The following CSMD3 variants were observed in gnomAD, a reference collection of about 807,000 sequenced individuals.
CSMD3 encodes the protein CUB and Sushi multiple domains 3.
Under a neutral mutation model 435.2 loss-of-function variants are expected in CSMD3, and 177 were observed. The observed-to-expected ratio is 0.41, with a 90% CI of 0.36 to 0.46. The LOEUF (loss-of-function observed/expected upper bound fraction) is 0.46, where lower values mean the gene tolerates loss of function less well. Ranked by LOEUF, CSMD3 falls within the 20% of genes least tolerant of loss-of-function variation. The pLI, the probability that CSMD3 is intolerant of heterozygous loss-of-function variation, is 0.34. For synonymous variants in CSMD3, 1,656 were observed against 1,520.5 expected, an observed-to-expected ratio of 1.09 and a Z score of -2.07; for missense variants, 4,265 against 4,504.6, an observed-to-expected ratio of 0.95 and a Z score of 1.52.
intron 2 of CSMD3, among the ~76,000 whole-genome samples, chr8:113,302,405 T>A (rs1031515199): frequency 4.0e-5 from 6 of 149,242 alleles, no homozygotes; most frequent in African/African-American, 1.5e-4. Context: ...TGACAGAGTA[T>A]GTATTCAGAG....
At chr8:113,376,833 C>G in intron 1 of CSMD3, 1 of 1,613,384 alleles carries the variant, frequency 6.2e-7, no homozygotes, top group Non-Finnish European at 8.5e-7. Context: ...TTATGAGTCG[C>G]AACAACCGGC....
chr8:112,365,473 T>G, intron 38 of CSMD3, among the ~76,000 whole-genome samples: 1 of 87,286 alleles, frequency 1.1e-5, no homozygotes, highest in East Asian at 4.9e-4. Context: ...ATTTCCTTTT[T>G]TTTTTTTTTT....
intron 5 of CSMD3, among the ~76,000 whole-genome samples, chr8:113,037,542 C>G (rs1239983005): frequency 1.3e-5 from 2 of 151,986 alleles, no homozygotes; most frequent in Admixed American, 6.6e-5. Flanking sequence ...ATTTTACAAG[C>G]AAGATACCTC....
intron 11 of CSMD3, among the ~76,000 whole-genome samples, chr8:112,830,465 T>G (rs2079837119): frequency 6.6e-6 from 1 of 152,064 alleles, no homozygotes; most frequent in Non-Finnish European, 1.5e-5. Context: ...TATATACCTA[T>G]GCAAAAATTC....
intron 6 of CSMD3, among the ~76,000 whole-genome samples, chr8:112,977,445 T>C (rs561476720): frequency 6.6e-6 from 1 of 152,202 alleles, no homozygotes; most frequent in East Asian, 1.9e-4. Context: ...GCAATGTCAA[T>C]ATGGTTTGAG....
At chr8:112,979,212 T>C (rs1468109816) in intron 6 of CSMD3, among the ~76,000 whole-genome samples, 1 of 151,734 alleles carries the variant, frequency 6.6e-6, no homozygotes, top group African/African-American at 2.4e-5. Flanking sequence ...CAACGTTGTG[T>C]AGAATTAAAA....
chr8:112,567,562 A>G (rs1829158300), intron 24 of CSMD3, among the ~76,000 whole-genome samples: 3 of 152,174 alleles, frequency 2.0e-5, no homozygotes, highest in South Asian at 4.1e-4. Flanking sequence ...GTAAATTTCA[A>G]TAGAAGAGTA....
At chr8:112,791,933 T>C (rs2078703190) in intron 13 of CSMD3, among the ~76,000 whole-genome samples, 1 of 152,214 alleles carries the variant, frequency 6.6e-6, no homozygotes, top group Admixed American at 6.6e-5. Flanking sequence ...GTAGTATCTC[T>C]TTGTAGTTGT....
chr8:112,839,991 T>C (rs1249533082), intron 11 of CSMD3, among the ~76,000 whole-genome samples: 2 of 151,754 alleles, frequency 1.3e-5, no homozygotes, highest in Non-Finnish European at 3.0e-5. Context: ...TTTTTGTTTA[T>C]GTAATTTATT....
chr8:113,362,869 G>T (rs2094286564), intron 1 of CSMD3, among the ~76,000 whole-genome samples: 1 of 152,150 alleles, frequency 6.6e-6, no homozygotes, highest in South Asian at 2.1e-4. Context: ...TGACAAAAAT[G>T]GTAAAGGCAG....
At chr8:113,161,929 C>A (rs555056349) in intron 4 of CSMD3, among the ~76,000 whole-genome samples, 1 of 152,178 alleles carries the variant, frequency 6.6e-6, no homozygotes, top group South Asian at 2.1e-4. Flanking sequence ...TAACTCTACA[C>A]GTTATACATG....
At chr8:113,124,524 T>A (rs913120088) in intron 4 of CSMD3, among the ~76,000 whole-genome samples, 5 of 151,930 alleles carry the variant, frequency 3.3e-5, no homozygotes, top group African/African-American at 9.7e-5. Flanking sequence ...ATTTTTATCA[T>A]GAATTTTTAT....
intron 10 of CSMD3, among the ~76,000 whole-genome samples, chr8:112,896,353 A>C (rs2081950255): frequency 6.6e-6 from 1 of 151,434 alleles, no homozygotes; most frequent in Admixed American, 6.6e-5. Context: ...TGAAGTGATA[A>C]AAAGATGAGC....
At chr8:113,246,878 C>G (rs931800163) in intron 3 of CSMD3, among the ~76,000 whole-genome samples, 2 of 152,092 alleles carry the variant, frequency 1.3e-5, no homozygotes, top group Admixed American at 6.6e-5. Context: ...TTCCTTGAAC[C>G]AGTAAATCTT....
chr8:112,884,451 T>G (rs907716543), intron 10 of CSMD3, among the ~76,000 whole-genome samples: 3 of 151,706 alleles, frequency 2.0e-5, no homozygotes, highest in Non-Finnish European at 4.4e-5. Flanking sequence ...ACTACTGACA[T>G]TTTGGATTAG....
intron 6 of CSMD3, among the ~76,000 whole-genome samples, chr8:112,998,522 C>G (rs982434941): frequency 1.3e-5 from 2 of 151,954 alleles, no homozygotes; most frequent in Admixed American, 1.3e-4. Context: ...ACATTCTTCT[C>G]TTCCCTCTTC....
intron 54 of CSMD3, 149 bp from the exon 55 acceptor site, chr8:112,292,859 A>G (rs1185139371): frequency 1.4e-6 from 1 of 714,746 alleles, no homozygotes; most frequent in African/African-American, 1.8e-5. Flanking sequence ...AAGTACATTT[A>G]CTAATGTAGA....
chr8:112,587,904 C>T (rs1308591725), intron 22 of CSMD3, among the ~76,000 whole-genome samples: 7 of 151,710 alleles, frequency 4.6e-5, no homozygotes, highest in Admixed American at 4.6e-4. Context: ...ACTGCTAAAC[C>T]TTCAGGACTA....
Position 112,234,376 on chromosome 8 carries a change from T to C in CSMD3, c.10729A>G (p.Met3577Val). Residue 3577 changes from methionine (M) to valine (V), a missense_variant, in exon 68 of 71, where the codon ATG becomes GTG. Met to Val is a conservative substitution (Grantham distance 21). This residue lies in a region of CSMD3 where 3,255 missense variants were observed against 3,380.2 expected (regional missense o/e 0.96). Transcript: ENST00000297405. ...VKKMKEENWA[M>V]DGFVSAEPDG... ...ATAACTATACTTACAAAGCCATCCA[T>C]TGCCCAATTTTCTTCCTTCATTTTC... 1 of 1,603,242 alleles carries C rather than the reference T, an allele frequency of 6.2e-7. No homozygotes were observed. The highest frequency in any genetic ancestry group is 8.5e-7 in the Non-Finnish European group (1 of 1,170,568).
Sources: gnomAD v4.1 joint callset for allele counts (sites outside exome capture counted in the v4.1 genomes callset) on GRCh38, gnomAD v4.1.1 for gene constraint, gnomAD v4.1.1 regional missense constraint, MANE v1.5 for transcripts, NCBI Gene and HGNC (gene_info 2026-07-23, HGNC 2026-07-21) for gene names.